Variants in CDH8 observed in about 807,000 individuals in gnomAD.
The protein encoded by CDH8 is cadherin 8.
In CDH8, 17 loss-of-function variants were observed where a neutral mutation model predicts 68.1. The observed-to-expected ratio is 0.25, with a 90% confidence interval of 0.17 to 0.37. The LOEUF (loss-of-function observed/expected upper bound fraction) is 0.37, where lower values mean the gene tolerates loss of function less well. Ranked by LOEUF, CDH8 falls within the 10% of genes least tolerant of loss-of-function variation. The pLI, the probability that CDH8 is intolerant of heterozygous loss-of-function variation, is 1.00. For missense variants in CDH8, 763 were observed against 999.3 expected (o/e 0.76, Z 3.19); for synonymous variants, 372 against 365.1 (o/e 1.02, Z -0.21).
chr16:62,012,760 C>A (rs377252261), intron 2 of CDH8, among the ~76,000 whole-genome samples: 1 of 152,004 alleles, frequency 6.6e-6, no homozygotes, highest in Non-Finnish European at 1.5e-5. Flanking sequence ...TATTGCTTTG[C>A]GGTATAGTTA....
At chr16:62,016,876 G>T (rs1901954084) in intron 2 of CDH8, among the ~76,000 whole-genome samples, 1 of 152,210 alleles carries the variant, frequency 6.6e-6, no homozygotes, top group African/African-American at 2.4e-5. Context: ...AGTCTCCACA[G>T]AGGTAATTCT....
intron 10 of CDH8, among the ~76,000 whole-genome samples, chr16:61,663,178 A>G (rs1963602186): frequency 6.6e-6 from 1 of 152,042 alleles, no homozygotes; most frequent in Non-Finnish European, 1.5e-5. Flanking sequence ...GAAGAGACCA[A>G]ATGAACAAGA....
intron 10 of CDH8, among the ~76,000 whole-genome samples, chr16:61,687,337 C>T (rs1964129582): frequency 1.3e-5 from 2 of 151,870 alleles, no homozygotes; most frequent in Non-Finnish European, 2.9e-5. Context: ...CAGATTTTAT[C>T]CAGTAATCTT....
chr16:61,901,335 C>G lies in CDH8; in HGVS notation c.391G>C (p.Glu131Gln). The G allele has an allele frequency of 1.2e-6, 2 of 1,614,014 alleles. No individual in the cohort carries two copies. The change falls in exon 3 of 12, where the codon GAG becomes CAG. Residue 131 changes from glutamate (E) to glutamine (Q), a missense_variant. By Grantham distance (29) the Glu-to-Gln change is conservative (BLOSUM62 2). Transcript: ENST00000577390. ...ACTGCTTGAGCTGTTAGGGTATACT[C>G]AGCCTTTTCCTCCCGGTCAAGTCTT... is the stretch of plus-strand genomic sequence containing the variant. ...IKRLDREEKA[E>Q]YTLTAQAVDW...
At chr16:61,916,772 T>C (rs907086678) in intron 2 of CDH8, among the ~76,000 whole-genome samples, 1 of 152,138 alleles carries the variant, frequency 6.6e-6, no homozygotes. Flanking sequence ...TCTGCCATAT[T>C]AGTTATTTAC....
At chr16:61,900,763 G>A (rs1009353599) in intron 3 of CDH8, among the ~76,000 whole-genome samples, 1 of 152,144 alleles carries the variant, frequency 6.6e-6, no homozygotes, top group Non-Finnish European at 1.5e-5. Flanking sequence ...TACAGACCTA[G>A]ATGACTTTCT....
chr16:61,691,300 C>A (rs1429260523), intron 10 of CDH8, among the ~76,000 whole-genome samples: 1 of 151,996 alleles, frequency 6.6e-6, no homozygotes, highest in Non-Finnish European at 1.5e-5. Context: ...TAGGCCATTG[C>A]TGCACTGATT....
chr16:61,756,119 C>T (rs546226430), intron 8 of CDH8, among the ~76,000 whole-genome samples: 45 of 152,118 alleles, frequency 3.0e-4, no homozygotes. Flanking sequence ...CTGCAACCAA[C>T]CTTAATAGAG....
At chr16:61,768,268 T>C (rs770747978) in intron 8 of CDH8, among the ~76,000 whole-genome samples, 7 of 150,306 alleles carry the variant, frequency 4.7e-5, no homozygotes, top group African/African-American at 7.3e-5. Flanking sequence ...TCCAGAGGGT[T>C]GGTTCCCGGA....
chr16:61,726,037 A>G (rs1340012172), intron 9 of CDH8: 1 of 150,096 alleles, frequency 6.7e-6, no homozygotes, highest in Non-Finnish European at 1.5e-5. Flanking sequence ...TTTATAATAA[A>G]GCATACAGCT....
chr16:61,981,353 TAC>T (rs1469117533), intron 2 of CDH8, among the ~76,000 whole-genome samples: 2 of 152,202 alleles, frequency 1.3e-5, no homozygotes, highest in African/African-American at 2.4e-5. Flanking sequence ...CCATAAAATG[TAC>T]ACAGTCTTGG....
chr16:61,860,123 G>C (rs888973476), intron 3 of CDH8, among the ~76,000 whole-genome samples: 1 of 152,042 alleles, frequency 6.6e-6, no homozygotes, highest in African/African-American at 2.4e-5. Flanking sequence ...TTACAGGTGT[G>C]AGCCACCTTT....
At chr16:61,831,975 TAA>T (rs991961465) in intron 4 of CDH8, among the ~76,000 whole-genome samples, 5 of 151,790 alleles carry the variant, frequency 3.3e-5, no homozygotes, top group Admixed American at 1.3e-4. Context: ...CTTATGAGGT[TAA>T]GTGGTAAAAG....
chr16:61,803,628 C>A (rs992704579), intron 7 of CDH8, among the ~76,000 whole-genome samples: 1 of 151,358 alleles, frequency 6.6e-6, no homozygotes, highest in African/African-American at 2.4e-5. Context: ...GAAGATCTAC[C>A]AAGGAAATGG....
intron 5 of CDH8, among the ~76,000 whole-genome samples, chr16:61,823,691 C>T (rs1962266111): frequency 6.6e-6 from 1 of 151,932 alleles, no homozygotes. Context: ...AAATGGCCTC[C>T]TAATGATCTT....
At chr16:62,020,701 G>T (rs528784077) in intron 2 of CDH8, among the ~76,000 whole-genome samples, 2 of 152,162 alleles carry the variant, frequency 1.3e-5, no homozygotes, top group Admixed American at 6.5e-5. Context: ...AAACAAAAAA[G>T]ATAAATATCC....
intron 8 of CDH8, among the ~76,000 whole-genome samples, chr16:61,752,479 C>T (rs1300539843): frequency 6.6e-6 from 1 of 152,112 alleles, no homozygotes; most frequent in African/African-American, 2.4e-5. Context: ...AAGAATTAGG[C>T]TTGGGTTATT....
intron 4 of CDH8, among the ~76,000 whole-genome samples, chr16:61,827,978 G>T (rs1264594140): frequency 6.6e-6 from 1 of 151,860 alleles, no homozygotes; most frequent in Non-Finnish European, 1.5e-5. Flanking sequence ...TTGAATAGGG[G>T]TTAGGTAAAA....
At chr16:61,875,282 A>G (rs1963439861) in intron 3 of CDH8, among the ~76,000 whole-genome samples, 1 of 152,098 alleles carries the variant, frequency 6.6e-6, no homozygotes, top group African/African-American at 2.4e-5. Context: ...CTGGAATACT[A>G]CCGTGGACTC....
Sources: gnomAD v4.1 joint callset for allele counts (sites outside exome capture counted in the v4.1 genomes callset) on GRCh38, gnomAD v4.1.1 for gene constraint, MANE v1.5 for transcripts, NCBI Gene and HGNC (gene_info 2026-07-23, HGNC 2026-07-21) for gene names.